The following OXR1 variants were observed in gnomAD, a reference collection of about 807,000 sequenced individuals.
OXR1 encodes the protein oxidation resistance 1.
Under a neutral mutation model 104.6 loss-of-function variants are expected in OXR1, and 41 were observed. The ratio of observed to expected loss-of-function variants is 0.39; its 90% confidence interval spans 0.31 to 0.51. The LOEUF (loss-of-function observed/expected upper bound fraction) is 0.51, where lower values mean the gene tolerates loss of function less well. Among genes scored for constraint, OXR1 ranks in the 20% least tolerant of loss-of-function variants. The pLI, the probability that OXR1 is intolerant of heterozygous loss-of-function variation, is 0.77. For missense variants in OXR1, 955 were observed against 1,031.9 expected (o/e 0.93, Z 1.02); for synonymous variants, 348 against 348.4 (o/e 1.00, Z 0.01).
At chr8:106,326,905 T>C (rs1371907427) in intron 1 of OXR1, among the ~76,000 whole-genome samples, 2 of 152,216 alleles carry the variant, frequency 1.3e-5, no homozygotes, top group African/African-American at 4.8e-5. Context: ...GAACTTTGTA[T>C]TTAGAAAATA....
At chr8:106,559,088 A>G (rs1210087763) in intron 3 of OXR1, among the ~76,000 whole-genome samples, 1 of 152,168 alleles carries the variant, frequency 6.6e-6, no homozygotes, top group Non-Finnish European at 1.5e-5. Flanking sequence ...CACGCTCTCA[A>G]CACTTTACTT....
chr8:106,512,940 G>C (rs1054425578), intron 2 of OXR1, among the ~76,000 whole-genome samples: 1 of 152,188 alleles, frequency 6.6e-6, no homozygotes, highest in Non-Finnish European at 1.5e-5. Context: ...ACCCTCCACA[G>C]TGAGCAGTAT....
At chr8:106,480,644 T>G (rs1822058019) in intron 2 of OXR1, among the ~76,000 whole-genome samples, 1 of 151,968 alleles carries the variant, frequency 6.6e-6, no homozygotes. Flanking sequence ...CAGTAAACCC[T>G]TATTTTGTAG....
At chr8:106,550,343 C>G (rs1024711321) in intron 3 of OXR1, among the ~76,000 whole-genome samples, 1 of 152,168 alleles carries the variant, frequency 6.6e-6, no homozygotes, top group Non-Finnish European at 1.5e-5. Flanking sequence ...AACAGCATTC[C>G]ATGCAATTGA....
At chr8:106,517,907 G>A (rs962579387) in intron 2 of OXR1, among the ~76,000 whole-genome samples, 1 of 152,130 alleles carries the variant, frequency 6.6e-6, no homozygotes, top group Non-Finnish European at 1.5e-5. Context: ...AGCTTTTGCT[G>A]TGGAAAATTC....
At chr8:106,527,406 A>G (rs1419646010) in intron 3 of OXR1, among the ~76,000 whole-genome samples, 2 of 152,124 alleles carry the variant, frequency 1.3e-5, no homozygotes, top group Non-Finnish European at 2.9e-5. Flanking sequence ...TCCACAAAAT[A>G]AGGTTGTTAC....
Position 106,743,307 on chromosome 8 carries a change from A to G in OXR1, c.2412+990A>G, listed in dbSNP as rs191190980. ...CTGGCAAGGTTGCAGAGAAAAAGGA[A>G]TGTTTTATTTTGTTGTTGTTGTTGT... On this transcript the variant is annotated intron_variant, in intron 15 of 16. Transcript: ENST00000517566. Among the ~76,000 whole-genome samples, 3 of 152,180 alleles carry G rather than the reference A, an allele frequency of 2.0e-5. No individual in the cohort carries two copies. The East Asian group carries it at 5.8e-4, about 29-fold the overall frequency.
At chr8:106,399,996 T>C (rs1374626258) in intron 2 of OXR1, among the ~76,000 whole-genome samples, 1 of 152,210 alleles carries the variant, frequency 6.6e-6, no homozygotes, top group Non-Finnish European at 1.5e-5. Context: ...ATTATATGTG[T>C]TGTGGCCCTT....
chr8:106,696,732 T>A (rs147622950), intron 7 of OXR1, among the ~76,000 whole-genome samples: 1 of 152,224 alleles, frequency 6.6e-6, no homozygotes, highest in African/African-American at 2.4e-5. Context: ...GTCTTTTTTT[T>A]TTCCTATTCA....
chr8:106,403,972 G>C (rs1466590797), intron 2 of OXR1, among the ~76,000 whole-genome samples: 1 of 152,156 alleles, frequency 6.6e-6, no homozygotes, highest in Non-Finnish European at 1.5e-5. Context: ...GAGAGGGGGA[G>C]GTTCTAAGGA....
chr8:106,666,210 A>G (rs1361316267), intron 3 of OXR1, among the ~76,000 whole-genome samples: 4 of 152,200 alleles, frequency 2.6e-5, no homozygotes, highest in African/African-American at 7.2e-5. Flanking sequence ...ATTTTAAACT[A>G]TAGATTTTAG....
At chr8:106,335,423 C>A (rs1814918862) in intron 1 of OXR1, among the ~76,000 whole-genome samples, 3 of 152,086 alleles carry the variant, frequency 2.0e-5, no homozygotes, top group Non-Finnish European at 4.4e-5. Flanking sequence ...AGTAAATGCT[C>A]AAAAATATTT....
chr8:106,382,384 C>G (rs1817183834), intron 2 of OXR1, among the ~76,000 whole-genome samples: 1 of 152,114 alleles, frequency 6.6e-6, no homozygotes, highest in African/African-American at 2.4e-5. Flanking sequence ...GTCTTATGTT[C>G]TCATGGCTGA....
At chr8:106,288,086 G>A (rs1812573739) in intron 1 of OXR1, among the ~76,000 whole-genome samples, 1 of 152,214 alleles carries the variant, frequency 6.6e-6, no homozygotes, top group Admixed American at 6.5e-5. Flanking sequence ...AGAATGCAGA[G>A]GTTGCTGGAT....
chr8:106,354,961 C>G (rs1352916026), intron 1 of OXR1, among the ~76,000 whole-genome samples: 1 of 151,896 alleles, frequency 6.6e-6, no homozygotes, highest in Non-Finnish European at 1.5e-5. Flanking sequence ...GGTAAAGTAT[C>G]ATCCCAATAA....
chr8:106,698,195 C>A (rs1156740438), intron 7 of OXR1, among the ~76,000 whole-genome samples: 1 of 152,174 alleles, frequency 6.6e-6, no homozygotes, highest in Non-Finnish European at 1.5e-5. Context: ...GGTTTTATTT[C>A]TTTTCAGAAC....
At chr8:106,719,562 A>G (rs545501777) in intron 11 of OXR1, among the ~76,000 whole-genome samples, 2 of 152,194 alleles carry the variant, frequency 1.3e-5, no homozygotes, top group Non-Finnish European at 2.9e-5. Flanking sequence ...TAGTTAAAAT[A>G]TCTCTTAAGT....
At chr8:106,428,294 A>G (rs1819215737) in intron 2 of OXR1, among the ~76,000 whole-genome samples, 1 of 152,126 alleles carries the variant, frequency 6.6e-6, no homozygotes, top group Non-Finnish European at 1.5e-5. Flanking sequence ...TCTCATCTGT[A>G]TTTTCTACAG....
At chr8:106,456,607 T>C (rs1820610206) in intron 2 of OXR1, among the ~76,000 whole-genome samples, 1 of 152,200 alleles carries the variant, frequency 6.6e-6, no homozygotes, top group Non-Finnish European at 1.5e-5. Flanking sequence ...TTGTGGGTTT[T>C]TTTTCTCCAC....
Sources: allele counts gnomAD v4.1 joint callset (sites outside exome capture counted in the v4.1 genomes callset), GRCh38; gene constraint gnomAD v4.1.1; transcripts MANE v1.5; gene names NCBI Gene and HGNC (gene_info 2026-07-23, HGNC 2026-07-21).